The following HBP1 variants were observed in gnomAD, a reference collection of about 807,000 sequenced individuals.
HBP1 encodes HMG-box transcription factor 1.
HBP1 carries 20 observed loss-of-function variants against 62.6 expected under a neutral mutation model. The observed-to-expected ratio is 0.32, with a 90% CI of 0.22 to 0.46. The LOEUF (loss-of-function observed/expected upper bound fraction) is 0.46, where lower values mean the gene tolerates loss of function less well. Among genes scored for constraint, HBP1 ranks in the 20% least tolerant of loss-of-function variants. The probability of loss-of-function intolerance (pLI) is 1.00; values close to 1 mark genes in which losing one functional copy is unlikely to be tolerated. For missense variants in HBP1, 480 were observed against 611.8 expected (o/e 0.78, Z 2.27); for synonymous variants, 232 against 206.2 (o/e 1.12, Z -1.07).
intron 1 of HBP1, chr7:107,169,574 G>T: frequency 5.1e-6 from 1 of 197,736 alleles, no homozygotes; most frequent in Non-Finnish European, 9.1e-6. Flanking sequence ...CCGTTTGTGG[G>T]CGGAGGGTCG....
Position 107,190,188 on chromosome 7 carries a change from A to T in HBP1, c.938A>T (p.Tyr313Phe). 3 of 1,608,546 alleles carry T rather than the reference A, an allele frequency of 1.9e-6. No homozygotes were observed. The highest frequency in any genetic ancestry group is 2.5e-6 in the Non-Finnish European group (3 of 1,177,580). Reference protein sequence around the residue: ...YVKNKGWSSFYPSLTVVQHGI... With the variant: ...YVKNKGWSSFFPSLTVVQHGI... ...TTAACTTTAGGTTGGTCATCATTTT[A>T]TCCAAGCTTGACTGTGGTACAGCAT... The change falls in exon 8 of 11, where the codon TAT (tyrosine) becomes TTT (phenylalanine). Residue 313 changes from tyrosine to phenylalanine, a missense_variant. Physicochemically the swap from Tyr to Phe is conservative, Grantham distance 22. This residue lies in a region of HBP1 where 58 missense variants were observed against 128.5 expected (regional missense o/e 0.45). Transcript: ENST00000222574.
intron 9 of HBP1, among the ~76,000 whole-genome samples, chr7:107,198,815 A>ATATT (rs1798055057): frequency 6.6e-6 from 1 of 152,336 alleles, no homozygotes; most frequent in East Asian, 1.9e-4. Context: ...TTAGATGTGT[A>ATATT]TATTTTACAT....
chr7:107,183,771 A>G (rs1383952107), intron 3 of HBP1, among the ~76,000 whole-genome samples: 1 of 152,162 alleles, frequency 6.6e-6, no homozygotes, highest in Non-Finnish European at 1.5e-5. Context: ...ATAAAAACAT[A>G]AGACATAAGG....
At chr7:107,173,941 T>G (rs900947551) in intron 1 of HBP1, among the ~76,000 whole-genome samples, 1 of 152,192 alleles carries the variant, frequency 6.6e-6, no homozygotes, top group African/African-American at 2.4e-5. Flanking sequence ...AAAGAGGAGC[T>G]TGTTTATCAA....
In HBP1 at chr7:107,189,487, C is replaced by A. The variant is rs751635037; in HGVS notation, c.922+39C>A. ...TGCATTTGTAGTAACTTTTTTTAAA[C>A]AAAGCTTCTTAAATCTGTAATTATG... is the stretch of plus-strand genomic sequence containing the variant. On this transcript the variant is annotated intron_variant, in intron 7 of 10. Coordinates refer to ENST00000222574, the MANE Select transcript of HBP1 (RefSeq NM_012257.4). The A allele has an allele frequency of 6.8e-6, 10 of 1,472,750 alleles. No homozygotes were observed. In the African/African-American group the frequency reaches 9.9e-5, roughly 15 times the overall value. 91.2% of individuals were successfully genotyped at this position (1,472,750 alleles called of 1,614,324 possible).
chr7:107,184,829 A>T (rs1197220553), intron 3 of HBP1, among the ~76,000 whole-genome samples: 1 of 152,124 alleles, frequency 6.6e-6, no homozygotes, highest in Non-Finnish European at 1.5e-5. Context: ...TCTCCTTTTT[A>T]AAGAGTATTA....
At chr7:107,177,886 G>C (rs1584479051) in intron 1 of HBP1, among the ~76,000 whole-genome samples, 1 of 151,794 alleles carries the variant, frequency 6.6e-6, no homozygotes, top group Non-Finnish European at 1.5e-5. Flanking sequence ...TTTTCACAGT[G>C]ATTGTATTTT....
intron 9 of HBP1, among the ~76,000 whole-genome samples, chr7:107,198,226 T>C (rs2116001145): frequency 6.6e-6 from 1 of 152,136 alleles, no homozygotes; most frequent in Middle Eastern, 3.4e-3. Flanking sequence ...TTTTTTTTTA[T>C]GAGATGGAAT....
At chr7:107,170,270 T>C (rs1796489841) in intron 1 of HBP1, 1 of 236,174 alleles carries the variant, frequency 4.2e-6, no homozygotes, top group African/African-American at 2.3e-5. Context: ...GGCTTTAGCT[T>C]TATTAATACT....
chr7:107,190,255 A>G lies in HBP1; in HGVS notation c.1005A>G (p.Leu335=). The G allele has an allele frequency of 1.2e-6, 2 of 1,611,254 alleles. No individual in the cohort carries two copies. The highest frequency in any genetic ancestry group is 1.7e-6 in the Non-Finnish European group (2 of 1,177,712). ...AAGTTCATATTGGCGATGTATGTCT[A>G]CCTCCTGGACACCCCGATGCCATTA... is the stretch of plus-strand genomic sequence containing the variant. ...CCEVHIGDVC[L]PPGHPDAINF... The change falls in exon 8 of 11, where the codon CTA becomes CTG. Residue 335 remains leucine (L), a synonymous_variant. Transcript: ENST00000222574.
chr7:107,191,521 A>G (rs1797650185), intron 8 of HBP1, among the ~76,000 whole-genome samples: 1 of 152,184 alleles, frequency 6.6e-6, no homozygotes, highest in South Asian at 2.1e-4. Context: ...TCTTGTAGTC[A>G]TGCTCAAGGA....
intron 9 of HBP1, 134 bp from the exon 10 acceptor site, chr7:107,200,026 C>A (rs973279537): frequency 4.7e-6 from 3 of 638,756 alleles, no homozygotes; most frequent in East Asian, 3.0e-5. Flanking sequence ...ATGGCCTTGA[C>A]CTTTTCCCAT....
intron 1 of HBP1, among the ~76,000 whole-genome samples, chr7:107,178,196 G>C (rs780535789): frequency 6.6e-6 from 1 of 152,006 alleles, no homozygotes; most frequent in Non-Finnish European, 1.5e-5. Flanking sequence ...TCTTTAAGAG[G>C]GGGGGTCTTG....
At chr7:107,172,037 A>G (rs553880933) in intron 1 of HBP1, among the ~76,000 whole-genome samples, 12 of 152,192 alleles carry the variant, frequency 7.9e-5, no homozygotes, top group African/African-American at 2.9e-4. Context: ...ATTCTTATTA[A>G]TTGCCTGATA....
At chr7:107,181,545 A>G (rs956235748) in intron 2 of HBP1, among the ~76,000 whole-genome samples, 1 of 151,906 alleles carries the variant, frequency 6.6e-6, no homozygotes, top group African/African-American at 2.4e-5. Flanking sequence ...TTGCCTGAAT[A>G]GGAGTTATAC....
intron 3 of HBP1, 79 bp downstream of exon 3, chr7:107,182,680 AAGT>A (rs1323545996): frequency 1.1e-5 from 8 of 707,406 alleles, no homozygotes; most frequent in African/African-American, 3.6e-5. Context: ...TCTAGTTTAA[AAGT>A]AGTAATACTT....
rs1053653861 is a variant in HBP1, at chr7:107,195,742, G to C, written c.1068-92G>C. The stretch of plus-strand genomic sequence containing the variant: ...GGAAATGCACTGAAATTTCCAATCA[G>C]ATGTTTTCTTTTTTTTTTTTTTAAC... On this transcript the variant is annotated intron_variant, in intron 8 of 10. Transcript: ENST00000222574. 4.8e-6 allele frequency: 3 copies of C among 622,904 alleles called. No homozygotes were observed. In the East Asian group the frequency reaches 9.1e-5, roughly 19 times the overall value. 38.6% of individuals were successfully genotyped at this position (622,904 alleles called of 1,614,324 possible). A position where few individuals can be genotyped will look rare whatever the true frequency, so the allele number is the denominator to read the frequency against.
chr7:107,188,749 A>T (rs1355849525), intron 6 of HBP1, among the ~76,000 whole-genome samples: 1 of 152,170 alleles, frequency 6.6e-6, no homozygotes, highest in African/African-American at 2.4e-5. Flanking sequence ...TTTCTTATTT[A>T]CCATCATCTT....
rs1230154639 is a variant in HBP1 at position 107,186,483 on chromosome 7, C to T, written c.652+11C>T. 6.3e-7 allele frequency: 1 copy of T among 1,593,040 alleles called. No individual in the cohort carries two copies. Among genetic ancestry groups the T allele is most frequent in the Non-Finnish European group, 8.6e-7 (1 of 1,163,102 alleles). On this transcript the variant is annotated intron_variant, in intron 5 of 10. Transcript: ENST00000222574. ...ACTGTTTTTTGAAAGGTAAAACAAA[C>T]AAACAAACAAAAACCTTGAATTTTC...
Sources: allele counts gnomAD v4.1 joint callset (sites outside exome capture counted in the v4.1 genomes callset), GRCh38; gene constraint gnomAD v4.1.1; regional missense constraint gnomAD v4.1.1; transcripts MANE v1.5; gene names NCBI Gene and HGNC (gene_info 2026-07-23, HGNC 2026-07-21).